A2M: variants seen among roughly 807,000 people sequenced by gnomAD.
The protein encoded by A2M is C3 and PZP-like alpha-2-macroglobulin domain-containing protein 5.
A neutral mutation model predicts 183.9 loss-of-function variants in A2M; 128 were observed. The ratio of observed to expected loss-of-function variants is 0.70; its 90% CI spans 0.60 to 0.81. The LOEUF (loss-of-function observed/expected upper bound fraction) is 0.81. Ranked by LOEUF, A2M falls within the 30% of genes least tolerant of loss-of-function variation. The probability of loss-of-function intolerance (pLI) is 0.00; values close to 1 mark genes in which losing one functional copy is unlikely to be tolerated. For missense variants in A2M, 1,495 were observed against 1,787.6 expected (o/e 0.84, Z 2.95); for synonymous variants, 592 against 670.8 (o/e 0.88, Z 1.81).
chr12:9,078,752 A>G (rs971978585), intron 25 of A2M, among the ~76,000 whole-genome samples: 5 of 152,216 alleles, frequency 3.3e-5, no homozygotes, highest in Non-Finnish European at 5.9e-5. Flanking sequence ...ATCTTCTCAC[A>G]TGCAGCTCTT....
At chr12:9,092,233 G>A (rs1949234056) in intron 18 of A2M, among the ~76,000 whole-genome samples, 1 of 152,030 alleles carries the variant, frequency 6.6e-6, no homozygotes, top group Non-Finnish European at 1.5e-5. Context: ...CATACCCCTG[G>A]GAATAATTTG....
intron 22 of A2M, 30 bp downstream of exon 22, chr12:9,089,170 G>GT (rs745579746): frequency 2.0e-6 from 3 of 1,515,346 alleles, no homozygotes; most frequent in East Asian, 2.3e-5. Flanking sequence ...AGACTTTAAT[G>GT]TTTTTTAAAT....
chr12:9,110,457 T>A (rs1207374645), intron 4 of A2M, 123 bp from the exon 5 acceptor site: 4 of 533,744 alleles, frequency 7.5e-6, no homozygotes, highest in Non-Finnish European at 1.3e-5. Context: ...ATAATTTAAT[T>A]GTACATTTAA....
chr12:9,068,985 A>G (rs1323834289), intron 33 of A2M, 143 bp from the exon 34 acceptor site: 1 of 549,378 alleles, frequency 1.8e-6, no homozygotes, highest in Non-Finnish European at 3.1e-6. Context: ...TTGTGCAGAA[A>G]TCTCTCAGAG....
chr12:9,088,921 T>C (rs1949126002), intron 22 of A2M, among the ~76,000 whole-genome samples: 1 of 152,220 alleles, frequency 6.6e-6, no homozygotes, highest in Admixed American at 6.5e-5. Flanking sequence ...TAATTTTGAT[T>C]CTACCCACTT....
Position 9,109,044 on chromosome 12 carries a change from G to A in A2M, c.758+277C>T, listed in dbSNP as rs773758201. ...TCCACCCTTCCCATTTTGTGTGTGT[G>A]TGTGTGTGCAGTTTTGTCACTTTCA... is the stretch of plus-strand genomic sequence containing the variant. On this transcript the variant is annotated intron_variant, in intron 7 of 35. Transcript: ENST00000318602. 2.6e-4 allele frequency among the ~76,000 whole-genome samples: 40 copies of A among 152,082 alleles called. 1 individual carries two copies. Among genetic ancestry groups the A allele is most frequent in the Non-Finnish European group, 4.7e-4 (32 of 67,958 alleles).
Position 9,113,383 on chromosome 12 carries a change from C to T in A2M, c.247G>A (p.Val83Ile), listed in dbSNP as rs774209449. The change falls in exon 2 of 36, where the codon GTA (valine) becomes ATA (isoleucine). Residue 83 changes from valine (V) to isoleucine (I), a missense_variant. Val to Ile is a conservative substitution (Grantham distance 29, BLOSUM62 3). Transcript: ENST00000318602. ...ACAGCGAAGGCGACACAGTGGAGTACGTCATTCTCCGCCTCCAGGTCAGTG... is the reference window on the plus strand; with the variant it reads ...ACAGCGAAGGCGACACAGTGGAGTATGTCATTCTCCGCCTCCAGGTCAGTG... ...LFTDLEAENDVLHCVAFAVPK... is the reference protein window; with the variant it reads ...LFTDLEAENDILHCVAFAVPK... 4.8e-5 allele frequency: 77 copies of T among 1,613,498 alleles called. 1 individual carries two copies. The highest frequency in any genetic ancestry group is 2.7e-4 in the South Asian group (25 of 91,010).
At position 9,095,050 on chromosome 12, in the gene A2M, A is replaced by G. The variant is rs1949332233; in HGVS notation, c.2048T>C (p.Ile683Thr). 1 of 1,595,500 alleles carries G rather than the reference A, an allele frequency of 6.3e-7. No individual in the cohort carries two copies. Among genetic ancestry groups the G allele is most frequent in the Non-Finnish European group, 8.5e-7 (1 of 1,169,770 alleles). ...MGLKAFTNSKIRKPKMCPQLQ... is the reference protein window; with the variant it reads ...MGLKAFTNSKTRKPKMCPQLQ... ...CTGTGGACACATTTTGGGTTTACGA[A>G]TCTTTGAGTTGGTGAATGCCTTTAA... The change falls in exon 17 of 36, where the codon ATT becomes ACT. Residue 683 changes from isoleucine (I) to threonine (T), a missense_variant. Physicochemically the swap from Ile to Thr is moderately conservative, Grantham distance 89. Transcript: ENST00000318602.
intron 22 of A2M, among the ~76,000 whole-genome samples, chr12:9,082,399 G>A (rs1307220216): frequency 6.6e-6 from 1 of 152,166 alleles, no homozygotes. Context: ...AGACAAAACA[G>A]TGATCTTGCC....
chr12:9,077,332 G>T lies in A2M; in HGVS notation c.3351+14C>A, dbSNP rs187478777. 1.2e-5 allele frequency: 20 copies of T among 1,608,244 alleles called. No individual in the cohort carries two copies. The highest frequency in any genetic ancestry group is 3.3e-4 in the Middle Eastern group (2 of 6,048). On this transcript the variant is annotated intron_variant, in intron 27 of 35. Transcript: ENST00000318602. ...CAGAACTCTCCTTCAGCAGAGGAAT[G>T]GGGTGGTACCTACAGTGACTGTGAG...
chr12:9,114,590 C>T (rs1394242525), intron 1 of A2M, among the ~76,000 whole-genome samples: 1 of 151,660 alleles, frequency 6.6e-6, no homozygotes, highest in African/African-American at 2.4e-5. Context: ...ATTTCCATGC[C>T]AATTACCATA....
intron 1 of A2M, among the ~76,000 whole-genome samples, chr12:9,113,907 G>T (rs965647217): frequency 6.6e-6 from 1 of 152,196 alleles, no homozygotes; most frequent in Non-Finnish European, 1.5e-5. Context: ...CAAGCTCTCA[G>T]TCATGCGGAC....
At chr12:9,102,010 A>G in intron 11 of A2M, among the ~76,000 whole-genome samples, 1 of 152,180 alleles carries the variant, frequency 6.6e-6, no homozygotes, top group East Asian at 1.9e-4. Context: ...TTCATTGAGG[A>G]GAGTAAATAA....
chr12:9,073,163 G>A (rs1592330594), intron 29 of A2M, among the ~76,000 whole-genome samples: 1 of 152,146 alleles, frequency 6.6e-6, no homozygotes, highest in Non-Finnish European at 1.5e-5. Flanking sequence ...CATGTGAATG[G>A]CAATCAGTTA....
rs1479661682 is a variant in A2M, at chr12:9,074,738, A to C, written c.3578T>G (p.Val1193Gly). The change falls in exon 29 of 36, where the codon GTG (valine) becomes GGG (glycine). Residue 1193 changes from valine (V) to glycine (G), a missense_variant. By Grantham distance (109) the Val-to-Gly change is moderately radical. Coordinates refer to ENST00000318602, the MANE Select transcript of A2M (RefSeq NM_000014.6). ...WERPQKPKAP[V>G]GHFYEPQAPS... is the part of the protein sequence containing the mutation. ...AGCCTGGGGTTCGTAAAAATGCCCCACTGGTGCCTTGGGTTTCTGAGGGCG... is the reference window on the plus strand; with the variant it reads ...AGCCTGGGGTTCGTAAAAATGCCCCCCTGGTGCCTTGGGTTTCTGAGGGCG... The C allele has an allele frequency of 1.9e-6, 3 of 1,613,820 alleles. No individual in the cohort carries two copies. The highest frequency in any genetic ancestry group is 1.7e-4 in the Middle Eastern group (1 of 6,054).
Position 9,072,968 on chromosome 12 carries a change from C to G in A2M, c.3757-97G>C, listed in dbSNP as rs1948625278. ...GACCCATGTGAGGGACTTTGATTTC[C>G]TACTTCCCTCACTACTTAAATATAG... On this transcript the variant is annotated intron_variant, in intron 29 of 35. Coordinates refer to ENST00000318602, the MANE Select transcript of A2M (RefSeq NM_000014.6). The G allele has an allele frequency of 5.8e-6, 5 of 862,580 alleles. No homozygotes were observed. The East Asian group carries it at 1.3e-4, about 23-fold the overall frequency. The allele number at this position is 862,580 out of a possible 1,614,324, so 53.4% of individuals were successfully genotyped here. A position where few individuals can be genotyped will look rare whatever the true frequency, so the allele number is the denominator to read the frequency against.
At chr12:9,077,561 C>A in intron 26 of A2M, 140 bp downstream of exon 26, 3 of 1,477,848 alleles carry the variant, frequency 2.0e-6, no homozygotes, top group Non-Finnish European at 1.8e-6. Flanking sequence ...AACTTTTGTT[C>A]TATCCCCTCT....
intron 5 of A2M, 129 bp from the exon 6 acceptor site, chr12:9,110,164 A>G: frequency 8.6e-7 from 1 of 1,160,288 alleles, no homozygotes; most frequent in Middle Eastern, 2.2e-4. Context: ...TGAGTAGAGG[A>G]GATGAGTTAT....
intron 17 of A2M, 43 bp from the exon 18 acceptor site, chr12:9,093,622 TAAA>T: frequency 1.8e-6 from 2 of 1,099,042 alleles, no homozygotes; most frequent in Non-Finnish European, 2.5e-6. Context: ...AACATACAGA[TAAA>T]GCTTATGAGA....
Sources: allele counts gnomAD v4.1 joint callset (sites outside exome capture counted in the v4.1 genomes callset), GRCh38; gene constraint gnomAD v4.1.1; transcripts MANE v1.5; gene names NCBI Gene and HGNC (gene_info 2026-07-23, HGNC 2026-07-21).